Variants in PEX5L observed in about 807,000 individuals in gnomAD.
PEX5L encodes peroxisomal biogenesis factor 5 like, also known as PEX5-related protein.
A neutral mutation model predicts 84.0 loss-of-function variants in PEX5L; 30 were observed. The ratio of observed to expected loss-of-function variants is 0.36; its 90% CI spans 0.27 to 0.48. PEX5L has a LOEUF of 0.48. Ranked by LOEUF, PEX5L falls within the 20% of genes least tolerant of loss-of-function variation. PEX5L has a pLI of 0.99. For missense variants in PEX5L, 533 were observed against 754.6 expected, an observed-to-expected ratio of 0.71 and a Z score of 3.44; for synonymous variants, 270 against 283.1, an observed-to-expected ratio of 0.95 and a Z score of 0.46.
intron 1 of PEX5L, among the ~76,000 whole-genome samples, chr3:179,998,951 A>T (rs896281543): frequency 2.0e-5 from 3 of 152,214 alleles, no homozygotes; most frequent in African/African-American, 4.8e-5. Flanking sequence ...GGCACCACCC[A>T]AAAGTGGACA....
At chr3:180,015,546 T>C (rs9835554) in intron 1 of PEX5L, among the ~76,000 whole-genome samples, 3,844 of 152,224 alleles carry the variant, frequency 0.025, 190 homozygotes, top group African/African-American at 0.088. Context: ...TTGTATATTA[T>C]TAAAAACTAA....
chr3:179,891,330 T>G (rs1179841327), intron 3 of PEX5L, among the ~76,000 whole-genome samples: 1 of 152,174 alleles, frequency 6.6e-6, no homozygotes, highest in African/African-American at 2.4e-5. Context: ...TCAGTGTTTT[T>G]CAAGCTGCAG....
chr3:179,931,767 G>A (rs1187270695), intron 2 of PEX5L, among the ~76,000 whole-genome samples: 1 of 152,100 alleles, frequency 6.6e-6, no homozygotes, highest in Non-Finnish European at 1.5e-5. Flanking sequence ...GAGATGATCA[G>A]TTAAGTTCAC....
chr3:180,002,394 A>G (rs989549141), intron 1 of PEX5L, among the ~76,000 whole-genome samples: 10 of 152,116 alleles, frequency 6.6e-5, no homozygotes, highest in African/African-American at 2.4e-4. Context: ...AACAGGTATT[A>G]TTACTTTAAA....
intron 1 of PEX5L, among the ~76,000 whole-genome samples, chr3:180,022,201 G>A (rs1261920198): frequency 6.6e-6 from 1 of 152,032 alleles, no homozygotes; most frequent in East Asian, 1.9e-4. Flanking sequence ...TTACTTCTTA[G>A]TCCTTCCACA....
chr3:179,847,486 A>G (rs1739993109), intron 8 of PEX5L, among the ~76,000 whole-genome samples: 1 of 152,162 alleles, frequency 6.6e-6, no homozygotes, highest in African/African-American at 2.4e-5. Flanking sequence ...ACAGCTATAT[A>G]CCCAGCATAT....
Position 179,876,741 on chromosome 3 carries a change from C to A in PEX5L, c.506-1264G>T, listed in dbSNP as rs372358741. Among the ~76,000 whole-genome samples, 43 of 152,268 alleles carry A rather than the reference C, an allele frequency of 2.8e-4. No homozygotes were observed. In the South Asian group the frequency reaches 7.1e-3, roughly 25 times the overall value. Reference sequence around the variant, plus strand: ...CACGAACTCCTCATTCCCCCTCCCCCACAAACCCTGGTAACTTTTATTCTA... The same window carrying A: ...CACGAACTCCTCATTCCCCCTCCCCAACAAACCCTGGTAACTTTTATTCTA... On this transcript the variant is annotated intron_variant, in intron 5 of 14. Transcript: ENST00000467460.
chr3:179,843,805 G>A (rs1738195654), intron 8 of PEX5L, among the ~76,000 whole-genome samples: 1 of 152,132 alleles, frequency 6.6e-6, no homozygotes, highest in South Asian at 2.1e-4. Context: ...ATAGTGCTTG[G>A]GGATACTGGG....
intron 1 of PEX5L, among the ~76,000 whole-genome samples, chr3:179,993,635 G>C (rs1159050124): frequency 6.6e-6 from 1 of 152,122 alleles, no homozygotes; most frequent in East Asian, 1.9e-4. Context: ...GAGTAGCTGG[G>C]ATTACAGGCA....
intron 2 of PEX5L, among the ~76,000 whole-genome samples, chr3:179,924,790 C>G (rs967997250): frequency 6.6e-6 from 1 of 152,116 alleles, no homozygotes. Context: ...AGAGAGTCAA[C>G]AGAAATTACA....
intron 2 of PEX5L, among the ~76,000 whole-genome samples, chr3:179,945,842 A>T (rs74345848): frequency 0.026 from 3,946 of 152,170 alleles, 170 homozygotes; most frequent in African/African-American, 0.09. Flanking sequence ...TCTATCCACT[A>T]GTCTCAGTTC....
chr3:179,994,511 G>T (rs1787675995), intron 1 of PEX5L, among the ~76,000 whole-genome samples: 1 of 152,100 alleles, frequency 6.6e-6, no homozygotes, highest in African/African-American at 2.4e-5. Flanking sequence ...CCTTATCCCA[G>T]AGTAAAGTGT....
At chr3:179,897,944 C>T (rs1490221079) in intron 3 of PEX5L, among the ~76,000 whole-genome samples, 198 bp downstream of exon 3, 1 of 151,898 alleles carries the variant, frequency 6.6e-6, no homozygotes, top group Non-Finnish European at 1.5e-5. Context: ...TTAATATTCA[C>T]AAATAAATAA....
At chr3:179,862,481 T>C (rs1460235480) in intron 7 of PEX5L, among the ~76,000 whole-genome samples, 1 of 152,232 alleles carries the variant, frequency 6.6e-6, no homozygotes, top group Non-Finnish European at 1.5e-5. Context: ...TATTGTCTTG[T>C]AGAAAGTTAG....
Position 180,006,614 on chromosome 3 carries a change from A to T in PEX5L, c.21+29965T>A, listed in dbSNP as rs187571658. 1.6e-3 allele frequency among the ~76,000 whole-genome samples: 238 copies of T among 152,300 alleles called. 5 individuals are homozygous for T. The East Asian group carries it at 0.028, about 18-fold the overall frequency. ...ACTGCTGGGCAGTGGCATACCCAAG[A>T]CTGGGAAGAAAAAGAGGTTTAATTG... On this transcript the variant is annotated intron_variant, in intron 1 of 14. Coordinates refer to ENST00000467460, the MANE Select transcript of PEX5L (RefSeq NM_016559.3).
At chr3:179,920,998 TA>T (rs746648426) in intron 2 of PEX5L, among the ~76,000 whole-genome samples, 3 of 152,172 alleles carry the variant, frequency 2.0e-5, no homozygotes, top group Non-Finnish European at 4.4e-5. Context: ...TACTATTAAC[TA>T]GGGACACTGA....
chr3:179,959,566 A>AT (rs1216613411), intron 2 of PEX5L, among the ~76,000 whole-genome samples: 3 of 152,138 alleles, frequency 2.0e-5, no homozygotes, highest in African/African-American at 4.8e-5. Flanking sequence ...AAAATAATGT[A>AT]TTTTTTCTTT....
At chr3:179,819,056 C>T (rs1251620478) in intron 9 of PEX5L, among the ~76,000 whole-genome samples, 3 of 150,218 alleles carry the variant, frequency 2.0e-5, no homozygotes, top group African/African-American at 4.9e-5. Flanking sequence ...TTGGTAGAGA[C>T]AGGGTCTCAC....
chr3:179,936,037 CTT>C (rs1774485275), intron 2 of PEX5L, among the ~76,000 whole-genome samples: 1 of 152,188 alleles, frequency 6.6e-6, no homozygotes, highest in Non-Finnish European at 1.5e-5. Context: ...AAATAACTCT[CTT>C]TTCTTTATAA....
Sources: allele counts gnomAD v4.1 joint callset (sites outside exome capture counted in the v4.1 genomes callset), GRCh38; gene constraint gnomAD v4.1.1; transcripts MANE v1.5; gene names NCBI Gene and HGNC (gene_info 2026-07-23, HGNC 2026-07-21).